The following PLXNA4 variants were observed in gnomAD, a reference collection of about 807,000 sequenced individuals.
The protein encoded by PLXNA4 is plexin A4.
Under a neutral mutation model 191.8 loss-of-function variants are expected in PLXNA4, and 44 were observed. That is an observed-to-expected ratio of 0.23 (90% CI 0.18 to 0.29). PLXNA4 has a LOEUF of 0.29. Ranked by LOEUF, PLXNA4 falls within the 10% of genes least tolerant of loss-of-function variation. The pLI, the probability that PLXNA4 is intolerant of heterozygous loss-of-function variation, is 1.00. For missense variants in PLXNA4, 1,800 were observed against 2,488.8 expected, an observed-to-expected ratio of 0.72 and a Z score of 5.89; for synonymous variants, 1,082 against 1,009.5, an observed-to-expected ratio of 1.07 and a Z score of -1.36.
rs756179290 is a variant in PLXNA4 at position 132,507,836 on chromosome 7, C to T, written c.858G>A (p.Glu286=). 1.3e-5 allele frequency: 21 copies of T among 1,614,168 alleles called. No individual in the cohort carries two copies. The Middle Eastern group carries it at 4.9e-4, about 38-fold the overall frequency. ...CTACATAGGAGTTGAAGGCTGTGTC[C>T]TCCTTGCAAAGCCTCACGAGCTTGG... is the stretch of plus-strand genomic sequence containing the variant. ...YTSKLVRLCK[E]DTAFNSYVEV... The change falls in exon 2 of 32, where the codon GAG becomes GAA. Residue 286 remains glutamate (E), a synonymous_variant. Coordinates refer to ENST00000321063, the MANE Select transcript of PLXNA4 (RefSeq NM_020911.2).
At chr7:132,269,288 G>A (rs138039618) in intron 4 of PLXNA4, among the ~76,000 whole-genome samples, 1,816 of 152,236 alleles carry the variant, frequency 0.012, 31 homozygotes, top group African/African-American at 0.041. Context: ...TACTATTTTT[G>A]AATAGACTAT....
chr7:132,594,572 T>C (rs1802663504), intron 2 of PLXNA4, among the ~76,000 whole-genome samples: 1 of 152,222 alleles, frequency 6.6e-6, no homozygotes, highest in African/African-American at 2.4e-5. Context: ...TGAACTTCCA[T>C]TTGAAGTCCC....
chr7:132,359,351 G>T (rs1475037400), intron 3 of PLXNA4, among the ~76,000 whole-genome samples: 1 of 151,764 alleles, frequency 6.6e-6, no homozygotes, highest in Non-Finnish European at 1.5e-5. Context: ...CTCCTAAGGA[G>T]CTGGAACCAC....
intron 3 of PLXNA4, among the ~76,000 whole-genome samples, chr7:132,300,342 G>A (rs576998568): frequency 3.5e-4 from 53 of 152,258 alleles, no homozygotes; most frequent in African/African-American, 1.0e-3. Flanking sequence ...GCTGAGGTCA[G>A]GGTCTGTCTC....
At chr7:132,473,840 C>T (rs1192980855) in intron 3 of PLXNA4, among the ~76,000 whole-genome samples, 2 of 145,662 alleles carry the variant, frequency 1.4e-5, no homozygotes, top group East Asian at 3.9e-4. Context: ...ATGTGCAAGA[C>T]TCCGTCTCAA....
chr7:132,523,126 TGCA>T (rs1469297559), intron 1 of PLXNA4, among the ~76,000 whole-genome samples: 2 of 152,020 alleles, frequency 1.3e-5, no homozygotes, highest in Non-Finnish European at 2.9e-5. Context: ...ATTCTGGGGG[TGCA>T]GCAATGAGTA....
intron 3 of PLXNA4, among the ~76,000 whole-genome samples, chr7:132,346,794 T>C (rs1479320570): frequency 1.3e-5 from 2 of 152,160 alleles, no homozygotes; most frequent in Non-Finnish European, 2.9e-5. Flanking sequence ...TACTAGACAT[T>C]TGGATGAGTC....
intron 1 of PLXNA4, among the ~76,000 whole-genome samples, chr7:132,529,214 G>T (rs1414835169): frequency 6.6e-6 from 1 of 152,178 alleles, no homozygotes; most frequent in Non-Finnish European, 1.5e-5. Flanking sequence ...GCAGGTTGGT[G>T]TCACCTTGTT....
At chr7:132,251,731 C>A (rs2117082688) in intron 4 of PLXNA4, among the ~76,000 whole-genome samples, 1 of 152,330 alleles carries the variant, frequency 6.6e-6, no homozygotes, top group Admixed American at 6.5e-5. Context: ...ATGTGCATGT[C>A]TCAGCACAGG....
chr7:132,185,216 C>A (rs1156530793), intron 16 of PLXNA4, 83 bp downstream of exon 16: 1 of 1,513,422 alleles, frequency 6.6e-7, no homozygotes, highest in East Asian at 2.4e-5. Context: ...GACTGGGCCC[C>A]CAGAACTCTC....
Position 132,576,273 on chromosome 7 carries a change from G to C in PLXNA4, c.-87+149C>G, listed in dbSNP as rs1161329974. 1.9e-6 allele frequency: 1 copy of C among 519,676 alleles called. No homozygotes were observed. Among genetic ancestry groups the C allele is most frequent in the Non-Finnish European group, 2.5e-6 (1 of 405,960 alleles). The allele number at this position is 519,676 out of a possible 1,614,324, so 32.2% of individuals were successfully genotyped here. A position where few individuals can be genotyped will look rare whatever the true frequency, so the allele number is the denominator to read the frequency against. ...GCGCGAGCGCCGTGTGTGCCGGTGT[G>C]GATCTGTGTGTGTGCCTGCGTGTGT... On this transcript the variant is annotated intron_variant, in intron 1 of 31. Coordinates refer to ENST00000321063, the MANE Select transcript of PLXNA4 (RefSeq NM_020911.2). This position sits in a 1 kb window ranked among gnomAD's most constrained non-coding sequence, Gnocchi z 5.8.
intron 12 of PLXNA4, among the ~76,000 whole-genome samples, chr7:132,198,888 T>A (rs144856332): frequency 7.9e-5 from 12 of 152,318 alleles, no homozygotes; most frequent in African/African-American, 2.6e-4. Flanking sequence ...ATAGAAGAGA[T>A]GAGAGGATGG....
Position 132,508,064 on chromosome 7 carries a change from C to A in PLXNA4, c.630G>T (p.Ala210=). The A allele has an allele frequency of 6.2e-7, 1 of 1,614,228 alleles. No individual in the cohort carries two copies. The highest frequency in any genetic ancestry group is 8.5e-7 in the Non-Finnish European group (1 of 1,180,046). ...GGAAGACGTACGCGAACATGCCATC[C>A]GCCTCAGAGTTCTTGGTCAGTTTCC... is the stretch of plus-strand genomic sequence containing the variant. ...SSRKLTKNSE[A]DGMFAYVFHD... Residue 210 remains alanine (A), a synonymous_variant, in exon 2 of 32, where the codon GCG becomes GCT. Transcript: ENST00000321063. This position sits in a 1 kb window ranked among gnomAD's most constrained non-coding sequence, Gnocchi z 4.4.
intron 14 of PLXNA4, 69 bp downstream of exon 14, chr7:132,193,993 G>C: frequency 6.4e-7 from 1 of 1,556,250 alleles, no homozygotes; most frequent in Non-Finnish European, 8.7e-7. Context: ...AGCTCTAGAG[G>C]GGCCCAGCAA....
Position 132,474,067 on chromosome 7 carries a change from CA to C in PLXNA4, c.1371+15224del, listed in dbSNP as rs1221708385. ...AAAAACAAAACAAAACAAAACAAAA[CA>C]AAAAAAAACAGGGCAATAAACACCT... is the stretch of plus-strand genomic sequence containing the variant. On this transcript the variant is annotated intron_variant, in intron 3 of 31. Coordinates refer to ENST00000321063, the MANE Select transcript of PLXNA4 (RefSeq NM_020911.2). Among the ~76,000 whole-genome samples the C allele has an allele frequency of 7.3e-4, 100 of 137,902 alleles. 1 individual carries two copies. The highest frequency in any genetic ancestry group is 1.2e-4 in the African/African-American group (4 of 34,322). The allele number at this position is 137,902 out of a possible 152,430, so 90.5% of individuals were successfully genotyped here.
intron 1 of PLXNA4, among the ~76,000 whole-genome samples, chr7:132,563,793 T>TCTC (rs1563176880): frequency 1.8e-4 from 2 of 10,988 alleles, no homozygotes; most frequent in East Asian, 3.5e-3. Context: ...TCCTCCTCCT[T>TCTC]CTCCTCCTCC....
intron 3 of PLXNA4, chr7:132,484,882 T>C: frequency 6.2e-7 from 1 of 1,614,212 alleles, no homozygotes; most frequent in Non-Finnish European, 8.5e-7. Context: ...GATCTGATAT[T>C]GCTTTGTGAC....
intron 3 of PLXNA4, among the ~76,000 whole-genome samples, chr7:132,430,017 G>A (rs375717685): frequency 4.2e-4 from 64 of 152,240 alleles, no homozygotes; most frequent in South Asian, 3.5e-3. Context: ...GAGGAATTGC[G>A]TCTCAATCTG....
chr7:132,379,174 C>G (rs73726030), intron 3 of PLXNA4, among the ~76,000 whole-genome samples: 2,507 of 152,168 alleles, frequency 0.016, 74 homozygotes, highest in African/African-American at 0.057. Flanking sequence ...ATAACAGATG[C>G]CATAACATTT....
Sources: gnomAD v4.1 joint callset for allele counts (sites outside exome capture counted in the v4.1 genomes callset) on GRCh38, gnomAD v4.1.1 for gene constraint, Gnocchi (gnomAD v3.1) non-coding constraint, MANE v1.5 for transcripts, NCBI Gene and HGNC (gene_info 2026-07-23, HGNC 2026-07-21) for gene names.